The following DNAJC3 variants were observed in gnomAD, a reference collection of about 807,000 sequenced individuals.
DNAJC3 encodes dnaJ homolog subfamily C member 3.
In DNAJC3, 38 loss-of-function variants were observed where a neutral mutation model predicts 68.6. The ratio of observed to expected loss-of-function variants is 0.55; its 90% CI spans 0.43 to 0.73. The LOEUF is 0.73. Among genes scored for constraint, DNAJC3 ranks in the 30% least tolerant of loss-of-function variants. The pLI, the probability that DNAJC3 is intolerant of heterozygous loss-of-function variation, is 0.00. For missense variants in DNAJC3, 526 were observed against 591.9 expected (o/e 0.89, Z 1.16); for synonymous variants, 203 against 204.0 (o/e 1.00, Z 0.04).
At chr13:95,683,667 C>G (rs771925139) in intron 1 of DNAJC3, among the ~76,000 whole-genome samples, 46 of 152,002 alleles carry the variant, frequency 3.0e-4, no homozygotes, top group Non-Finnish European at 5.6e-4. Flanking sequence ...TGGCTCACGC[C>G]TGTAATCCCA....
chr13:95,781,760 T>A (rs1883461507), intron 9 of DNAJC3, among the ~76,000 whole-genome samples: 1 of 152,172 alleles, frequency 6.6e-6, no homozygotes, highest in South Asian at 2.1e-4. Flanking sequence ...TTATTCTATT[T>A]TTCATAGCTG....
At chr13:95,699,140 A>T (rs183258524) in intron 1 of DNAJC3, among the ~76,000 whole-genome samples, 13 of 152,202 alleles carry the variant, frequency 8.5e-5, no homozygotes, top group African/African-American at 3.1e-4. Flanking sequence ...AAGTTCTGTT[A>T]TGGAAATGTG....
intron 9 of DNAJC3, among the ~76,000 whole-genome samples, chr13:95,782,118 T>C (rs1450809392): frequency 6.6e-6 from 1 of 152,218 alleles, no homozygotes; most frequent in Non-Finnish European, 1.5e-5. Flanking sequence ...TCCATGTTCC[T>C]GTGAAGGACT....
intron 1 of DNAJC3, among the ~76,000 whole-genome samples, chr13:95,687,552 A>G (rs894887496): frequency 9.2e-5 from 14 of 152,106 alleles, no homozygotes; most frequent in Admixed American, 3.9e-4. Flanking sequence ...CTGTATGCCT[A>G]GTTAATCTAG....
chr13:95,736,431 A>G (rs1340383225), intron 4 of DNAJC3, among the ~76,000 whole-genome samples: 1 of 147,752 alleles, frequency 6.8e-6, no homozygotes, highest in East Asian at 2.0e-4. Context: ...CATTTTCACG[A>G]TATTGATTCT....
rs549955761 is a variant in DNAJC3, at chr13:95,773,817, A to G, written c.1075+9864A>G. Among the ~76,000 whole-genome samples the G allele has an allele frequency of 6.3e-5, 9 of 143,596 alleles. No individual in the cohort carries two copies. The East Asian group carries it at 1.3e-3, about 20-fold the overall frequency. 94.2% of individuals were successfully genotyped at this position (143,596 alleles called of 152,430 possible). A position where few individuals can be genotyped will look rare whatever the true frequency, so the allele number is the denominator to read the frequency against. On this transcript the variant is annotated intron_variant, in intron 9 of 11. Transcript: ENST00000602402. ...AGTGGAGCGATCTTAGCTCACTGCA[A>G]CCTCTACCTCCTGGGTTCAAGTGAT... is the stretch of plus-strand genomic sequence containing the variant.
At chr13:95,690,514 C>T (rs74942518) in intron 1 of DNAJC3, among the ~76,000 whole-genome samples, 25 of 149,164 alleles carry the variant, frequency 1.7e-4, no homozygotes, top group East Asian at 1.2e-3. Context: ...ACCTCCCAGA[C>T]GGGGTGGTGG....
chr13:95,687,689 G>C (rs1880106279), intron 1 of DNAJC3, among the ~76,000 whole-genome samples: 1 of 152,170 alleles, frequency 6.6e-6, no homozygotes, highest in Non-Finnish European at 1.5e-5. Context: ...TTATAGTATA[G>C]TGTGAAGTTG....
chr13:95,752,687 C>T (rs1228312747), intron 4 of DNAJC3, among the ~76,000 whole-genome samples: 1 of 152,180 alleles, frequency 6.6e-6, no homozygotes, highest in African/African-American at 2.4e-5. Context: ...ATTGGTTTAT[C>T]TTGCCCTTTG....
chr13:95,682,233 T>C (rs1879932993), intron 1 of DNAJC3, among the ~76,000 whole-genome samples: 1 of 152,214 alleles, frequency 6.6e-6, no homozygotes, highest in Non-Finnish European at 1.5e-5. Flanking sequence ...TACCCCACCT[T>C]GCTAGAGTCT....
chr13:95,716,068 G>T (rs1324828766), intron 2 of DNAJC3, among the ~76,000 whole-genome samples: 1 of 152,092 alleles, frequency 6.6e-6, no homozygotes, highest in African/African-American at 2.4e-5. Flanking sequence ...TGAGGCACGA[G>T]AATTGCTTGA....
At chr13:95,689,927 T>C (rs1431312793) in intron 1 of DNAJC3, among the ~76,000 whole-genome samples, 2 of 152,212 alleles carry the variant, frequency 1.3e-5, no homozygotes, top group Non-Finnish European at 2.9e-5. Context: ...TATTGACTTC[T>C]AATTTTATTC....
chr13:95,785,783 A>G (rs1224483622), intron 9 of DNAJC3, among the ~76,000 whole-genome samples, 156 bp from the exon 10 acceptor site: 1 of 151,906 alleles, frequency 6.6e-6, no homozygotes, highest in African/African-American at 2.4e-5. Context: ...TTCTTGATCA[A>G]AGTTACTAAC....
chr13:95,756,805 C>T (rs1364285752), intron 4 of DNAJC3, among the ~76,000 whole-genome samples: 1 of 152,038 alleles, frequency 6.6e-6, no homozygotes, highest in Non-Finnish European at 1.5e-5. Context: ...ACCTGGTTTT[C>T]TGAGATAATT....
At chr13:95,688,970 G>A (rs1294633788) in intron 1 of DNAJC3, among the ~76,000 whole-genome samples, 7 of 149,320 alleles carry the variant, frequency 4.7e-5, no homozygotes, top group African/African-American at 1.5e-4. Flanking sequence ...GTGTGTGCGC[G>A]CTGTTGGATT....
At chr13:95,714,548 G>A (rs1430026882) in intron 2 of DNAJC3, among the ~76,000 whole-genome samples, 2 of 152,052 alleles carry the variant, frequency 1.3e-5, no homozygotes, top group Non-Finnish European at 2.9e-5. Flanking sequence ...TGACATTTCT[G>A]TTGGGAAGTT....
At chr13:95,734,727 T>C (rs1881834377) in intron 4 of DNAJC3, among the ~76,000 whole-genome samples, 1 of 152,142 alleles carries the variant, frequency 6.6e-6, no homozygotes, top group Non-Finnish European at 1.5e-5. Context: ...TCTTTTTTCT[T>C]TATATTTTTC....
chr13:95,757,879 A>G, intron 5 of DNAJC3, 83 bp downstream of exon 5: 1 of 1,373,954 alleles, frequency 7.3e-7, no homozygotes, highest in Non-Finnish European at 9.7e-7. Flanking sequence ...CACATACCAC[A>G]AAGACCTAGA....
intron 4 of DNAJC3, among the ~76,000 whole-genome samples, chr13:95,729,574 G>A (rs1881647086): frequency 6.6e-6 from 1 of 152,100 alleles, no homozygotes; most frequent in South Asian, 2.1e-4. Context: ...AGTTTTCTGA[G>A]AAATCTCCAT....
Sources: allele counts gnomAD v4.1 joint callset (sites outside exome capture counted in the v4.1 genomes callset), GRCh38; gene constraint gnomAD v4.1.1; transcripts MANE v1.5; gene names NCBI Gene and HGNC (gene_info 2026-07-23, HGNC 2026-07-21).